STXBP5L: variants seen among roughly 807,000 people sequenced by gnomAD.
STXBP5L encodes the protein syntaxin binding protein 5L.
A neutral mutation model predicts 144.5 loss-of-function variants in STXBP5L; 65 were observed. That is an observed-to-expected ratio of 0.45 (90% confidence interval 0.37 to 0.55). STXBP5L has a LOEUF of 0.55. STXBP5L is among the 20% of genes least tolerant of loss of function. The pLI is 0.00. For missense variants in STXBP5L, 1,298 were observed against 1,405.5 expected, an observed-to-expected ratio of 0.92 and a Z score of 1.22; for synonymous variants, 505 against 469.6, an observed-to-expected ratio of 1.08 and a Z score of -0.97.
At chr3:121,181,163 G>T (rs1345545508) in intron 9 of STXBP5L, among the ~76,000 whole-genome samples, 1 of 150,770 alleles carries the variant, frequency 6.6e-6, no homozygotes, top group African/African-American at 2.4e-5. Flanking sequence ...AGAGGGGAGG[G>T]GGAGGGGAGG....
intron 24 of STXBP5L, among the ~76,000 whole-genome samples, chr3:121,415,078 C>T (rs1197160369): frequency 6.6e-6 from 1 of 152,032 alleles, no homozygotes; most frequent in Non-Finnish European, 1.5e-5. Context: ...GGAGATGATG[C>T]AATTAAAATC....
At chr3:121,094,925 C>T in intron 5 of STXBP5L, among the ~76,000 whole-genome samples, 1 of 152,020 alleles carries the variant, frequency 6.6e-6, no homozygotes, top group African/African-American at 2.4e-5. Context: ...TGTTCCTCTC[C>T]ATGTTTAGTG....
At chr3:121,170,885 C>CA (rs1559820063) in intron 9 of STXBP5L, among the ~76,000 whole-genome samples, 1 of 151,966 alleles carries the variant, frequency 6.6e-6, no homozygotes, top group African/African-American at 2.4e-5. Flanking sequence ...AGAGACACAA[C>CA]AAAAAAAGAA....
intron 20 of STXBP5L, among the ~76,000 whole-genome samples, chr3:121,362,809 G>A (rs1295289287): frequency 6.6e-6 from 1 of 151,820 alleles, no homozygotes; most frequent in African/African-American, 2.4e-5. Context: ...AAGGAGTTTT[G>A]CCCCATAGCC....
intron 22 of STXBP5L, among the ~76,000 whole-genome samples, chr3:121,394,006 T>C (rs192511353): frequency 6.6e-6 from 1 of 152,330 alleles, no homozygotes; most frequent in Admixed American, 6.5e-5. Context: ...AATCTGTAGA[T>C]TGTTTTGGGC....
intron 20 of STXBP5L, among the ~76,000 whole-genome samples, chr3:121,327,493 G>T (rs1159454540): frequency 6.6e-6 from 1 of 152,088 alleles, no homozygotes; most frequent in African/African-American, 2.4e-5. Context: ...TGTGTATTTT[G>T]CCATCAGTGA....
chr3:121,078,275 G>A (rs1015048636), intron 5 of STXBP5L, among the ~76,000 whole-genome samples: 2 of 151,170 alleles, frequency 1.3e-5, no homozygotes, highest in Non-Finnish European at 2.9e-5. Context: ...GGTTCTCCAA[G>A]TCCACACCAG....
intron 3 of STXBP5L, among the ~76,000 whole-genome samples, chr3:120,961,281 T>G (rs1012364065): frequency 3.3e-5 from 5 of 151,880 alleles, no homozygotes; most frequent in African/African-American, 7.2e-5. Context: ...TTTGTTTTTT[T>G]TTTTTAATTA....
chr3:121,218,236 TA>T (rs1324047830), intron 10 of STXBP5L, among the ~76,000 whole-genome samples: 4 of 143,116 alleles, frequency 2.8e-5, no homozygotes, highest in Admixed American at 1.5e-4. Flanking sequence ...ATAGTATATA[TA>T]TTACTATATA....
intron 20 of STXBP5L, among the ~76,000 whole-genome samples, chr3:121,343,152 G>C: frequency 6.6e-6 from 1 of 152,118 alleles, no homozygotes; most frequent in Non-Finnish European, 1.5e-5. Flanking sequence ...CTTCTTTTGA[G>C]AAGTGTCTGT....
At chr3:121,191,104 C>G (rs2047658514) in intron 9 of STXBP5L, among the ~76,000 whole-genome samples, 1 of 151,644 alleles carries the variant, frequency 6.6e-6, no homozygotes. Flanking sequence ...GATGGGCGGC[C>G]AGGCAGAGAC....
chr3:121,027,138 T>C (rs1379049741), intron 3 of STXBP5L, among the ~76,000 whole-genome samples: 2 of 152,018 alleles, frequency 1.3e-5, no homozygotes, highest in Non-Finnish European at 2.9e-5. Context: ...TGTGTGTTTA[T>C]ATATATGTAT....
At chr3:121,228,286 C>T (rs1379693304) in intron 11 of STXBP5L, among the ~76,000 whole-genome samples, 2 of 152,108 alleles carry the variant, frequency 1.3e-5, no homozygotes, top group East Asian at 3.8e-4. Context: ...ATCTGTGTTT[C>T]CTAGGCTCAT....
chr3:121,354,151 T>C (rs982347548), intron 20 of STXBP5L, among the ~76,000 whole-genome samples: 4 of 152,312 alleles, frequency 2.6e-5, no homozygotes, highest in South Asian at 2.1e-4. Flanking sequence ...GAAAAATGTA[T>C]ATTCTGTTGA....
At chr3:121,009,641 A>G (rs911659375) in intron 3 of STXBP5L, among the ~76,000 whole-genome samples, 2 of 152,006 alleles carry the variant, frequency 1.3e-5, no homozygotes, top group African/African-American at 2.4e-5. Context: ...CTATGAGCAG[A>G]GGAAGCAATA....
intron 18 of STXBP5L, among the ~76,000 whole-genome samples, chr3:121,259,510 C>T (rs1428836964): frequency 6.6e-6 from 1 of 152,040 alleles, no homozygotes; most frequent in Non-Finnish European, 1.5e-5. Context: ...CTAACTCCCT[C>T]TTCAACTGTG....
chr3:121,153,773 G>GA (rs1285679530), intron 8 of STXBP5L, among the ~76,000 whole-genome samples: 1 of 151,812 alleles, frequency 6.6e-6, no homozygotes, highest in East Asian at 1.9e-4. Flanking sequence ...CACAATTGGT[G>GA]AAAAATAATC....
chr3:121,069,536 A>G (rs1207481706), intron 5 of STXBP5L, among the ~76,000 whole-genome samples: 1 of 152,006 alleles, frequency 6.6e-6, no homozygotes, highest in African/African-American at 2.4e-5. Context: ...GTTGTATGAC[A>G]TTTGTTTACA....
intron 20 of STXBP5L, among the ~76,000 whole-genome samples, chr3:121,363,656 CT>C (rs1202467534): frequency 6.7e-6 from 1 of 150,242 alleles, no homozygotes; most frequent in East Asian, 2.0e-4. Context: ...TGATTCAGAA[CT>C]GTTTTTTCTA....
Sources: allele counts gnomAD v4.1 joint callset (sites outside exome capture counted in the v4.1 genomes callset), GRCh38; gene constraint gnomAD v4.1.1; transcripts MANE v1.5; gene names NCBI Gene and HGNC (gene_info 2026-07-23, HGNC 2026-07-21).